Variants in SNX24 observed in about 807,000 individuals in gnomAD.
SNX24 encodes the protein sorting nexin 24, also known as sorting nexin-24.
SNX24 carries 22 observed loss-of-function variants against 28.7 expected under a neutral mutation model. The ratio of observed to expected loss-of-function variants is 0.77; its 90% confidence interval spans 0.55 to 1.10. SNX24 has a LOEUF of 1.10. SNX24 is among the 50% of genes least tolerant of loss of function. SNX24 has a pLI of 0.00. For synonymous variants in SNX24, 69 were observed against 71.5 expected (o/e 0.96, Z 0.18); for missense variants, 221 against 201.1 (o/e 1.10, Z -0.60).
chr5:122,929,889 T>A (rs184194166), intron 1 of SNX24, among the ~76,000 whole-genome samples: 7 of 152,294 alleles, frequency 4.6e-5, no homozygotes, highest in African/African-American at 1.7e-4. Flanking sequence ...TTTTTTCTTT[T>A]TTTAATATTC....
rs1759672124 is a variant in SNX24 at position 122,946,106 on chromosome 5, T to C, written c.196T>C (p.Trp66Arg). Residue 66 changes from tryptophan (W) to arginine (R), a missense_variant, in exon 3 of 7, where the codon TGG (tryptophan) becomes CGG (arginine). Transcript: ENST00000261369. ...AATCCCTTCTAAACATGTTAGGAAC[T>C]GGGTCCCCAAAGTCTTGGAACAGCG... Reference protein sequence around the residue: ...PEIPSKHVRNWVPKVLEQRRQ... With the variant: ...PEIPSKHVRNRVPKVLEQRRQ... 1.2e-6 allele frequency: 2 copies of C among 1,611,954 alleles called. No individual in the cohort carries two copies. The highest frequency in any genetic ancestry group is 2.7e-5 in the African/African-American group (2 of 74,828).
intron 3 of SNX24, among the ~76,000 whole-genome samples, chr5:122,995,878 A>G (rs892393085): frequency 2.6e-5 from 4 of 152,174 alleles, no homozygotes; most frequent in African/African-American, 9.7e-5. Context: ...GCTACCCTGC[A>G]GTTCAGAATG....
chr5:122,987,481 T>G (rs1255414346), intron 3 of SNX24, among the ~76,000 whole-genome samples: 1 of 152,216 alleles, frequency 6.6e-6, no homozygotes, highest in Non-Finnish European at 1.5e-5. Flanking sequence ...AGCTTAAATT[T>G]AAAGTGAAAC....
chr5:122,988,775 G>C (rs35479600), intron 3 of SNX24, among the ~76,000 whole-genome samples: 1 of 151,996 alleles, frequency 6.6e-6, no homozygotes, highest in Non-Finnish European at 1.5e-5. Flanking sequence ...CTATATTCTT[G>C]ATTTCTTTAC....
intron 3 of SNX24, among the ~76,000 whole-genome samples, chr5:122,970,805 T>G (rs1376574310): frequency 1.3e-5 from 2 of 152,186 alleles, no homozygotes; most frequent in African/African-American, 4.8e-5. Flanking sequence ...CCACACTAGT[T>G]TACTAACTAA....
At chr5:122,908,845 G>C (rs1193235114) in intron 1 of SNX24, among the ~76,000 whole-genome samples, 1 of 152,138 alleles carries the variant, frequency 6.6e-6, no homozygotes, top group South Asian at 2.1e-4. Context: ...GAGGTGGAAC[G>C]GAATGTCCTG....
At chr5:122,985,699 C>T (rs181323506) in intron 3 of SNX24, among the ~76,000 whole-genome samples, 3 of 152,224 alleles carry the variant, frequency 2.0e-5, no homozygotes, top group African/African-American at 7.2e-5. Context: ...TTGGGTCAGA[C>T]ACTTGTTGCG....
intron 6 of SNX24, among the ~76,000 whole-genome samples, chr5:123,006,655 C>T (rs968522322): frequency 5.9e-5 from 9 of 152,358 alleles, no homozygotes; most frequent in South Asian, 2.1e-4. Flanking sequence ...TGGGGCACCC[C>T]GTGCCCTCCA....
chr5:122,917,123 C>T (rs891975207), intron 1 of SNX24, among the ~76,000 whole-genome samples: 11 of 151,966 alleles, frequency 7.2e-5, no homozygotes, highest in South Asian at 4.2e-4. Flanking sequence ...AAAAATTAGC[C>T]GGGTGTGTTG....
chr5:122,929,098 G>A (rs569728242), intron 1 of SNX24, among the ~76,000 whole-genome samples: 1 of 152,138 alleles, frequency 6.6e-6, no homozygotes, highest in South Asian at 2.1e-4. Context: ...TCTGAACCTG[G>A]CACTTGGTAG....
At chr5:123,018,456 A>G (rs1288635254) in intron 5 of SNX24, among the ~76,000 whole-genome samples, 2 of 152,146 alleles carry the variant, frequency 1.3e-5, no homozygotes, top group Non-Finnish European at 2.9e-5. Context: ...TAATGTTACC[A>G]CCTCGGACAA....
At chr5:122,860,957 TA>T (rs1755432217) in intron 1 of SNX24, among the ~76,000 whole-genome samples, 1 of 152,176 alleles carries the variant, frequency 6.6e-6, no homozygotes, top group African/African-American at 2.4e-5. Flanking sequence ...TGTCATCTCA[TA>T]GTAACTGAGA....
intron 3 of SNX24, among the ~76,000 whole-genome samples, chr5:122,992,572 G>A (rs546682173): frequency 6.6e-6 from 1 of 152,108 alleles, no homozygotes; most frequent in Non-Finnish European, 1.5e-5. Context: ...TCAACTCCCA[G>A]CTCAAGGGTC....
In SNX24 at chr5:123,002,580, C is replaced by T. The variant is rs538849780; in HGVS notation, c.442+576C>T. On this transcript the variant is annotated intron_variant, in intron 6 of 6. Transcript: ENST00000261369. ...CCGGGAGGCGGAGCTTGCAGTGAGC[C>T]GAGATCGCGCCACTGCACTCCAGCC... 3.6e-3 allele frequency among the ~76,000 whole-genome samples: 553 copies of T among 152,236 alleles called. 3 individuals are homozygous for T. The highest frequency in any genetic ancestry group is 0.013 in the African/African-American group (530 of 41,530).
At chr5:122,886,395 G>A (rs929849776) in intron 1 of SNX24, among the ~76,000 whole-genome samples, 10 of 152,052 alleles carry the variant, frequency 6.6e-5, no homozygotes, top group Admixed American at 4.6e-4. Flanking sequence ...TCTTCTATTA[G>A]GTGGATAGTT....
intron 1 of SNX24, among the ~76,000 whole-genome samples, chr5:122,910,175 A>G (rs1401630792): frequency 6.6e-6 from 1 of 152,194 alleles, no homozygotes. Flanking sequence ...GTTGCATTAG[A>G]ACTTTAATCC....
At chr5:122,885,926 T>C (rs1387962606) in intron 1 of SNX24, among the ~76,000 whole-genome samples, 1 of 152,128 alleles carries the variant, frequency 6.6e-6, no homozygotes, top group Non-Finnish European at 1.5e-5. Flanking sequence ...ATCCCTTGCA[T>C]GCACAGTTCA....
intron 1 of SNX24, among the ~76,000 whole-genome samples, chr5:122,915,575 A>C (rs1466265616): frequency 1.3e-5 from 2 of 152,198 alleles, no homozygotes; most frequent in East Asian, 3.8e-4. Flanking sequence ...GCAGTGAGCT[A>C]TGATTACGTC....
chr5:122,910,143 G>GA (rs1181703275), intron 1 of SNX24, among the ~76,000 whole-genome samples: 4 of 152,104 alleles, frequency 2.6e-5, no homozygotes, highest in African/African-American at 9.7e-5. Context: ...AAATGTAATT[G>GA]AAAAAAATCC....
Sources: gnomAD v4.1 joint callset for allele counts (sites outside exome capture counted in the v4.1 genomes callset) on GRCh38, gnomAD v4.1.1 for gene constraint, MANE v1.5 for transcripts, NCBI Gene and HGNC (gene_info 2026-07-23, HGNC 2026-07-21) for gene names.